The following CTNNA2 variants were observed in gnomAD, a reference collection of about 807,000 sequenced individuals.
The protein encoded by CTNNA2 is catenin alpha-2.
A neutral mutation model predicts 101.0 loss-of-function variants in CTNNA2; 42 were observed. The observed-to-expected ratio is 0.42, with a 90% CI of 0.32 to 0.54. The LOEUF is 0.54. Among genes scored for constraint, CTNNA2 ranks in the 20% least tolerant of loss-of-function variants. The pLI is 0.14. For missense variants in CTNNA2, 871 were observed against 1,223.1 expected (o/e 0.71, Z 4.29); for synonymous variants, 450 against 456.4 (o/e 0.99, Z 0.18).
intron 3 of CTNNA2, among the ~76,000 whole-genome samples, chr2:79,786,605 C>T (rs1674869480): frequency 6.6e-6 from 1 of 151,950 alleles, no homozygotes; most frequent in African/African-American, 2.4e-5. Context: ...TCCTCAGGTA[C>T]GTTAGAATAC....
intron 7 of CTNNA2, among the ~76,000 whole-genome samples, chr2:80,224,830 A>G (rs982156970): frequency 2.1e-4 from 31 of 147,086 alleles, no homozygotes; most frequent in African/African-American, 8.2e-4. Context: ...CACATCCTCA[A>G]TTATACAGCT....
intron 7 of CTNNA2, among the ~76,000 whole-genome samples, chr2:80,159,188 G>T (rs1246749665): frequency 1.3e-5 from 2 of 152,064 alleles, no homozygotes; most frequent in Non-Finnish European, 2.9e-5. Flanking sequence ...TTTTAGTTTT[G>T]TTTGTTTATT....
rs773224533 is a variant in CTNNA2, at chr2:79,535,166, A to G, written c.-6+21959A>G. ...CTAATGAGCTCTTATCAGTCAATAAAAAACCCTAAATCTTTCAGAAAAATG... is the reference window on the plus strand; with the variant it reads ...CTAATGAGCTCTTATCAGTCAATAAGAAACCCTAAATCTTTCAGAAAAATG... On this transcript the variant is annotated intron_variant, in intron 1 of 18. Coordinates refer to ENST00000402739, the MANE Select transcript of CTNNA2 (RefSeq NM_001282597.3). 2.2e-4 allele frequency among the ~76,000 whole-genome samples: 34 copies of G among 152,102 alleles called. 1 individual carries two copies. Among genetic ancestry groups the G allele is most frequent in the Non-Finnish European group, 4.0e-4 (27 of 68,006 alleles).
At chr2:80,179,849 TGTGGGGGTTCTGCCA>T (rs1414928412) in intron 7 of CTNNA2, among the ~76,000 whole-genome samples, 1 of 152,178 alleles carries the variant, frequency 6.6e-6, no homozygotes, top group Non-Finnish European at 1.5e-5. Context: ...AGGTAGCCAA[TGTGGGGGTTCTGCCA>T]GCTGTTAAGT....
intron 9 of CTNNA2, among the ~76,000 whole-genome samples, chr2:80,481,807 C>A (rs1686169316): frequency 6.6e-6 from 1 of 151,820 alleles, no homozygotes; most frequent in South Asian, 2.1e-4. Context: ...TTTAATCATG[C>A]AAACATATAT....
At chr2:80,306,420 C>CT (rs1355704502) in intron 7 of CTNNA2, among the ~76,000 whole-genome samples, 1 of 141,424 alleles carries the variant, frequency 7.1e-6, no homozygotes, top group Non-Finnish European at 1.5e-5. Context: ...TTCTTTCTTT[C>CT]TTTCTTTCTT....
At chr2:80,363,289 C>T (rs192242172) in intron 7 of CTNNA2, among the ~76,000 whole-genome samples, 95 of 151,966 alleles carry the variant, frequency 6.3e-4, no homozygotes, top group African/African-American at 2.2e-3. Flanking sequence ...TTCAGAGGTA[C>T]TTCGATTTGA....
intron 7 of CTNNA2, among the ~76,000 whole-genome samples, chr2:79,993,505 A>G (rs935294541): frequency 1.3e-5 from 2 of 152,258 alleles, no homozygotes; most frequent in Non-Finnish European, 2.9e-5. Context: ...TGCAGTATAC[A>G]GTCACATGAA....
At chr2:80,402,768 A>G (rs1573955313) in intron 8 of CTNNA2, among the ~76,000 whole-genome samples, 2 of 148,002 alleles carry the variant, frequency 1.4e-5, no homozygotes, top group African/African-American at 4.9e-5. Flanking sequence ...TATATAATTT[A>G]TAATATATAA....
At chr2:79,989,121 G>A (rs544231687) in intron 7 of CTNNA2, among the ~76,000 whole-genome samples, 1 of 152,282 alleles carries the variant, frequency 6.6e-6, no homozygotes, top group Admixed American at 6.5e-5. Flanking sequence ...TGATACTTAT[G>A]AATTAAAATA....
In CTNNA2 at chr2:79,672,959, C is replaced by T. The variant is rs531902186; in HGVS notation, c.102+21301C>T. Among the ~76,000 whole-genome samples the T allele has an allele frequency of 1.1e-3, 162 of 152,154 alleles. No homozygotes were observed. The Middle Eastern group carries it at 0.017, about 16-fold the overall frequency. On this transcript the variant is annotated intron_variant, in intron 2 of 18. Transcript: ENST00000402739. ...CTGACCTCAGGTGATCTGCCTGCCTCGGCCTCCCAAAGTGCTGGGATTACA... is the reference window on the plus strand; with the variant it reads ...CTGACCTCAGGTGATCTGCCTGCCTTGGCCTCCCAAAGTGCTGGGATTACA...
At chr2:79,226,173 C>T (rs977374634) in intron 2 of CTNNA2, among the ~76,000 whole-genome samples, 1 of 152,178 alleles carries the variant, frequency 6.6e-6, no homozygotes, top group African/African-American at 2.4e-5. Flanking sequence ...TGAAACGAAA[C>T]TTTATCTCCA....
chr2:79,187,002 A>G (rs1673785864), intron 1 of CTNNA2, among the ~76,000 whole-genome samples: 1 of 152,166 alleles, frequency 6.6e-6, no homozygotes, highest in Non-Finnish European at 1.5e-5. Context: ...TGAAACCTGA[A>G]AGACCTTGGA....
chr2:80,632,076 A>G (rs962008722), intron 18 of CTNNA2, among the ~76,000 whole-genome samples: 1 of 152,178 alleles, frequency 6.6e-6, no homozygotes, highest in Non-Finnish European at 1.5e-5. Context: ...GTTCAGGGGC[A>G]GCCTGCACCA....
intron 4 of CTNNA2, among the ~76,000 whole-genome samples, chr2:79,400,057 A>G (rs929612708): frequency 9.2e-5 from 14 of 152,042 alleles, no homozygotes; most frequent in African/African-American, 3.4e-4. Flanking sequence ...ATCAATCAAT[A>G]TATGTAAGAT....
intron 7 of CTNNA2, among the ~76,000 whole-genome samples, chr2:80,034,354 C>CTTTTTTTTTTT (rs1199616310): frequency 5.5e-5 from 3 of 54,078 alleles, no homozygotes; most frequent in African/African-American, 1.2e-4. Flanking sequence ...ATTTTTTTTT[C>CTTTTTTTTTTT]TTTTTTTTTT....
intron 1 of CTNNA2, among the ~76,000 whole-genome samples, chr2:79,556,033 G>A (rs951717328): frequency 4.6e-5 from 7 of 152,000 alleles, no homozygotes; most frequent in African/African-American, 2.4e-5. Context: ...AAGAGAATTA[G>A]ACTATAGTCC....
chr2:79,227,786 G>C (rs567146668), intron 2 of CTNNA2, among the ~76,000 whole-genome samples: 3 of 151,858 alleles, frequency 2.0e-5, no homozygotes, highest in Non-Finnish European at 4.4e-5. Context: ...TAGATTAAAG[G>C]GTACACACGC....
At chr2:80,249,626 C>T (rs940712044) in intron 7 of CTNNA2, among the ~76,000 whole-genome samples, 1 of 152,128 alleles carries the variant, frequency 6.6e-6, no homozygotes, top group Non-Finnish European at 1.5e-5. Flanking sequence ...AGGTGGCTCA[C>T]GGTCACACAG....
Sources: allele counts gnomAD v4.1 joint callset (sites outside exome capture counted in the v4.1 genomes callset), GRCh38; gene constraint gnomAD v4.1.1; transcripts MANE v1.5; gene names NCBI Gene and HGNC (gene_info 2026-07-23, HGNC 2026-07-21).